Variants in PIK3R2 observed in about 807,000 individuals in gnomAD.
PIK3R2 encodes phosphoinositide-3-kinase regulatory subunit 2, also known as phosphatidylinositol 3-kinase regulatory subunit beta.
Under a neutral mutation model 78.5 loss-of-function variants are expected in PIK3R2, and 40 were observed. The observed-to-expected ratio is 0.51, with a 90% confidence interval of 0.40 to 0.66. The LOEUF (loss-of-function observed/expected upper bound fraction) is 0.66. PIK3R2 is among the 30% of genes least tolerant of loss of function. PIK3R2 has a pLI of 0.00. For synonymous variants in PIK3R2, 473 were observed against 457.7 expected, an observed-to-expected ratio of 1.03 and a Z score of -0.43; for missense variants, 880 against 1,026.6, an observed-to-expected ratio of 0.86 and a Z score of 1.95.
In PIK3R2 at chr19:18,162,167, G is replaced by A. The variant is rs28730847; in HGVS notation, c.902-35G>A. On this transcript the variant is annotated intron_variant, in intron 7 of 15. Transcript: ENST00000222254. ...TGGGAGGCAGCCACAGTATACAGTC[G>A]GTGCTCAGGATGCATTTGTTTTCCT... 577 of 1,412,320 alleles carry A rather than the reference G, an allele frequency of 4.1e-4. 4 individuals are homozygous for A. The East Asian group carries it at 6.7e-3, about 16-fold the overall frequency. 87.5% of individuals were successfully genotyped at this position (1,412,320 alleles called of 1,614,324 possible).
At position 18,155,591 on chromosome 19, in the gene PIK3R2, C is replaced by A; in HGVS notation, c.-289C>A. 1 of 503,556 alleles carries A rather than the reference C, an allele frequency of 2.0e-6. No homozygotes were observed. Among genetic ancestry groups the A allele is most frequent in the South Asian group, 3.1e-5 (1 of 32,466 alleles). The allele number at this position is 503,556 out of a possible 1,614,324, so 31.2% of individuals were successfully genotyped here. Reference sequence around the variant, plus strand: ...GGGCGTGAGCGGCCTGCCCCAGCCTCACCTGCTGATGGAGGACTCAATGGC... The same window carrying A: ...GGGCGTGAGCGGCCTGCCCCAGCCTAACCTGCTGATGGAGGACTCAATGGC... On this transcript the variant is annotated 5_prime_UTR_variant, in exon 2 of 16. Transcript: ENST00000222254.
At chr19:18,164,176 A>C (rs570473192) in intron 11 of PIK3R2, among the ~76,000 whole-genome samples, 99 of 152,304 alleles carry the variant, frequency 6.5e-4, no homozygotes, top group South Asian at 2.3e-3. Context: ...AGCTTTTACA[A>C]AACCAAAAAA....
chr19:18,157,312 C>G (rs980796911), intron 2 of PIK3R2, among the ~76,000 whole-genome samples: 1 of 152,218 alleles, frequency 6.6e-6, no homozygotes, highest in African/African-American at 2.4e-5. Context: ...GCCTCTCCCC[C>G]TGGTAACAGC....
chr19:18,162,523 G>A lies in PIK3R2; in HGVS notation c.1109+17G>A. 1 of 1,605,374 alleles carries A rather than the reference G, an allele frequency of 6.2e-7. No individual in the cohort carries two copies. Among genetic ancestry groups the A allele is most frequent in the Non-Finnish European group, 8.5e-7 (1 of 1,173,286 alleles). ...GACCCTCAGGTGGGGGCCTGTCCCT[G>A]CAAGGATAACCGGGGGTCACAGGTC... is the stretch of plus-strand genomic sequence containing the variant. On this transcript the variant is annotated intron_variant, in intron 9 of 15. Coordinates refer to ENST00000222254, the MANE Select transcript of PIK3R2 (RefSeq NM_005027.4).
chr19:18,154,983 G>A (rs933427700), intron 1 of PIK3R2, among the ~76,000 whole-genome samples: 3 of 151,936 alleles, frequency 2.0e-5, no homozygotes, highest in Non-Finnish European at 4.4e-5. Flanking sequence ...GGAGGCCAAG[G>A]CGAGCAGATC....
At chr19:18,160,645 C>A in intron 3 of PIK3R2, 82 bp downstream of exon 3, 2 of 1,120,960 alleles carry the variant, frequency 1.8e-6, no homozygotes, top group Non-Finnish European at 2.7e-6. Context: ...ACAGGGCCTC[C>A]AAGCTCATGC....
rs944735069 is a variant in PIK3R2 at position 18,162,027 on chromosome 19, G to C, written c.877G>C (p.Glu293Gln). 6.2e-7 allele frequency: 1 copy of C among 1,613,924 alleles called. No homozygotes were observed. Among genetic ancestry groups the C allele is most frequent in the Non-Finnish European group, 8.5e-7 (1 of 1,179,932 alleles). The part of the protein sequence containing the change: ...LVEKLLQEHL[E>Q]EQEVAPPALP... ...GGAGAAGCTGCTTCAGGAACACTTG[G>C]AAGAGCAGGAGGTTGCGCCCCCAGG... The change falls in exon 7 of 16, where the codon GAA (glutamate) becomes CAA (glutamine). Residue 293 changes from glutamate to glutamine, a missense_variant. Coordinates refer to ENST00000222254, the MANE Select transcript of PIK3R2 (RefSeq NM_005027.4).
rs1568638625 is a variant in PIK3R2, at chr19:18,166,149, CCCT to C, written c.1417-5_1417-3del. On this transcript the variant is annotated splice_region_variant and splice_polypyrimidine_tract_variant and intron_variant, in intron 11 of 15. Transcript: ENST00000222254. ...GTCCCAGGAGGTGCTGAGCTGCGCC[CCCT>C]CCTCCAGGAGCTGCAGATGAAGCGT... is the stretch of plus-strand genomic sequence containing the variant. 2 of 1,613,786 alleles carry C rather than the reference CCCT, an allele frequency of 1.2e-6. No homozygotes were observed. Among genetic ancestry groups the C allele is most frequent in the Non-Finnish European group, 1.7e-6 (2 of 1,179,938 alleles).
Position 18,161,880 on chromosome 19 carries a change from GGCGTGCAAGCGCACGCACAATCCTGT to G in PIK3R2, c.816-83_816-58del, listed in dbSNP as rs1352157365. The G allele has an allele frequency of 2.8e-6, 3 of 1,083,166 alleles. No homozygotes were observed. The East Asian group carries it at 7.2e-5, about 26-fold the overall frequency. 67.1% of individuals were successfully genotyped at this position (1,083,166 alleles called of 1,614,324 possible). ...ACATACTGTCTCGTATATACCCCCA[GGCGTGCAAGCGCACGCACAATCCTGT>G]GCACATGCGTGGGCGGACAGGCCCT... On this transcript the variant is annotated intron_variant, in intron 6 of 15. Coordinates refer to ENST00000222254, the MANE Select transcript of PIK3R2 (RefSeq NM_005027.4). The surrounding 1 kb of genome is among the most constrained non-coding windows in gnomAD (Gnocchi z 5.3).
intron 2 of PIK3R2, among the ~76,000 whole-genome samples, chr19:18,157,040 G>A (rs1379420262): frequency 6.6e-6 from 1 of 152,230 alleles, no homozygotes; most frequent in Non-Finnish European, 1.5e-5. Context: ...CTGAGTGCAA[G>A]GCCGTCAAAT....
At position 18,167,354 on chromosome 19, in the gene PIK3R2, G is replaced by A. The variant is rs761556751; in HGVS notation, c.1736+48G>A. ...CCTGCGGCTCCCTGGCGACTGCTGC[G>A]GCACATGGAGATCTCTCTAGGAGTC... On this transcript the variant is annotated intron_variant, in intron 13 of 15. Transcript: ENST00000222254. The surrounding 1 kb of genome is among the most constrained non-coding windows in gnomAD (Gnocchi z 4.5). 4.0e-5 allele frequency: 59 copies of A among 1,459,232 alleles called. No individual in the cohort carries two copies. Among genetic ancestry groups the A allele is most frequent in the Admixed American group, 6.4e-5 (3 of 47,064 alleles). The allele number at this position is 1,459,232 out of a possible 1,614,324, so 90.4% of individuals were successfully genotyped here. A position where few individuals can be genotyped will look rare whatever the true frequency, so the allele number is the denominator to read the frequency against.
chr19:18,162,511 G>A lies in PIK3R2; in HGVS notation c.1109+5G>A. 1.2e-6 allele frequency: 2 copies of A among 1,611,676 alleles called. No homozygotes were observed. The highest frequency in any genetic ancestry group is 1.3e-5 in the African/African-American group (1 of 74,970). On this transcript the variant is annotated splice_donor_5th_base_variant and intron_variant, in intron 9 of 15. Coordinates refer to ENST00000222254, the MANE Select transcript of PIK3R2 (RefSeq NM_005027.4). The stretch of plus-strand genomic sequence containing the variant: ...CGAGTACACGCTGACCCTCAGGTGG[G>A]GGCCTGTCCCTGCAAGGATAACCGG...
intron 11 of PIK3R2, 53 bp from the exon 12 acceptor site, chr19:18,166,107 C>A (rs761354901): frequency 1.2e-6 from 2 of 1,611,354 alleles, no homozygotes; most frequent in Non-Finnish European, 1.7e-6. Context: ...TTACCCCTCA[C>A]GAGGGCCTTT....
rs200781840 is a variant in PIK3R2, at chr19:18,167,210, G to A, written c.1640G>A (p.Arg547Gln). The change falls in exon 13 of 16, where the codon CGG becomes CAG. Residue 547 changes from arginine to glutamine, a missense_variant. By Grantham distance (43) the Arg-to-Gln change is conservative. Transcript: ENST00000222254. The surrounding 1 kb of genome is among the most constrained non-coding windows in gnomAD (Gnocchi z 4.5). ...ESRTKLEQQLRAQASDNREID... is the reference protein window; with the variant it reads ...ESRTKLEQQLQAQASDNREID... ...CGCACGAAGCTGGAGCAGCAGCTGC[G>A]GGCCCAGGCCTCGGACAACAGAGAG... 2.6e-5 allele frequency: 42 copies of A among 1,611,326 alleles called. No individual in the cohort carries two copies. Among genetic ancestry groups the A allele is most frequent in the South Asian group, 7.7e-5 (7 of 90,528 alleles).
chr19:18,155,849 A>AC lies in PIK3R2; in HGVS notation c.-29dup. ...CAGTGGGGCTCCAAGCAGCCACCTA[A>AC]CCATCCAGACCCCACCCCACTCACG... On this transcript the variant is annotated 5_prime_UTR_variant, in exon 2 of 16. Transcript: ENST00000222254. 6.6e-7 allele frequency: 1 copy of AC among 1,508,252 alleles called. No homozygotes were observed. The highest frequency in any genetic ancestry group is 8.9e-7 in the Non-Finnish European group (1 of 1,124,658). 93.4% of individuals were successfully genotyped at this position (1,508,252 alleles called of 1,614,324 possible).
intron 15 of PIK3R2, 80 bp from the exon 16 acceptor site, chr19:18,169,005 CAG>C (rs764690061): frequency 4.2e-5 from 65 of 1,559,040 alleles, no homozygotes; most frequent in Non-Finnish European, 5.3e-5. Flanking sequence ...TCATCCGGGA[CAG>C]GGGAGCACGC....
chr19:18,163,794 C>T (rs976322929), intron 11 of PIK3R2, among the ~76,000 whole-genome samples: 4 of 150,740 alleles, frequency 2.7e-5, no homozygotes, highest in Middle Eastern at 3.2e-3. Context: ...TGCACTCCAG[C>T]CTGGGTGACA....
Position 18,155,680 on chromosome 19 carries a change from C to A in PIK3R2, c.-200C>A. ...AGCTGACGAATGGTGGACCCAGTGA[C>A]GAGTGGCCCTTGTAAGGGTCATGGA... On this transcript the variant is annotated 5_prime_UTR_variant, in exon 2 of 16. Coordinates refer to ENST00000222254, the MANE Select transcript of PIK3R2 (RefSeq NM_005027.4). The A allele has an allele frequency of 3.6e-6, 2 of 560,202 alleles. No homozygotes were observed. The highest frequency in any genetic ancestry group is 6.3e-6 in the Non-Finnish European group (2 of 319,584). 34.7% of individuals were successfully genotyped at this position (560,202 alleles called of 1,614,324 possible). A position where few individuals can be genotyped will look rare whatever the true frequency, so the allele number is the denominator to read the frequency against.
chr19:18,157,755 G>A (rs1163114798), intron 2 of PIK3R2, among the ~76,000 whole-genome samples: 2 of 138,010 alleles, frequency 1.4e-5, no homozygotes, highest in African/African-American at 2.7e-5. Flanking sequence ...TTTTTTTGGC[G>A]TTTTCGTTGC....
Sources: gnomAD v4.1 joint callset for allele counts (sites outside exome capture counted in the v4.1 genomes callset) on GRCh38, gnomAD v4.1.1 for gene constraint, Gnocchi (gnomAD v3.1) non-coding constraint, MANE v1.5 for transcripts, NCBI Gene and HGNC (gene_info 2026-07-23, HGNC 2026-07-21) for gene names.